Variants in SPAG16 observed in about 807,000 individuals in gnomAD.
The protein encoded by SPAG16 is sperm-associated antigen 16 protein.
SPAG16 carries 86 observed loss-of-function variants against 80.4 expected under a neutral mutation model. The ratio of observed to expected loss-of-function variants is 1.07; its 90% CI spans 0.90 to 1.28. SPAG16 has a LOEUF of 1.28. Ranked by LOEUF, SPAG16 falls within the 50% of genes most tolerant of loss-of-function variation. The probability of loss-of-function intolerance (pLI) is 0.00; values close to 1 mark genes in which losing one functional copy is unlikely to be tolerated. For missense variants in SPAG16, 870 were observed against 765.3 expected, an observed-to-expected ratio of 1.14 and a Z score of -1.61; for synonymous variants, 294 against 265.9, an observed-to-expected ratio of 1.11 and a Z score of -1.03.
intron 15 of SPAG16, among the ~76,000 whole-genome samples, chr2:214,161,202 T>C (rs887136984): frequency 3.9e-5 from 6 of 152,182 alleles, no homozygotes; most frequent in African/African-American, 1.4e-4. Context: ...CAGTCTATTA[T>C]TGATGGGCAA....
chr2:213,893,956 A>G (rs145147129), intron 11 of SPAG16, among the ~76,000 whole-genome samples: 73 of 152,274 alleles, frequency 4.8e-4, no homozygotes, highest in African/African-American at 1.4e-3. Flanking sequence ...GGCATAGAAT[A>G]GCTGAATGAG....
intron 15 of SPAG16, chr2:214,238,287 T>C: frequency 3.7e-6 from 1 of 272,556 alleles, no homozygotes; most frequent in Non-Finnish European, 7.4e-6. Flanking sequence ...TCTGCTTGAG[T>C]TAGCACCCTT....
At chr2:213,908,924 T>TC (rs916979283) in intron 11 of SPAG16, among the ~76,000 whole-genome samples, 17 of 147,120 alleles carry the variant, frequency 1.2e-4, no homozygotes, top group South Asian at 2.2e-4. Flanking sequence ...CCCTCCCTCC[T>TC]CCCCCCCACC....
At chr2:214,302,919 C>G (rs886112815) in intron 15 of SPAG16, among the ~76,000 whole-genome samples, 4 of 152,166 alleles carry the variant, frequency 2.6e-5, no homozygotes. Context: ...TTTAATCTCT[C>G]TTATGTAACA....
intron 10 of SPAG16, among the ~76,000 whole-genome samples, chr2:213,676,706 A>G (rs2064097430): frequency 6.6e-6 from 1 of 151,408 alleles, no homozygotes; most frequent in African/African-American, 2.4e-5. Context: ...CGTATATTGA[A>G]CCAGCCTTGC....
intron 9 of SPAG16, among the ~76,000 whole-genome samples, chr2:213,471,056 C>T (rs114519138): frequency 2.0e-5 from 3 of 152,340 alleles, no homozygotes; most frequent in Admixed American, 2.0e-4. Flanking sequence ...GTTCTGCCTA[C>T]TGGGAAGAAT....
chr2:213,866,477 G>C (rs984906549), intron 11 of SPAG16, among the ~76,000 whole-genome samples: 2 of 152,060 alleles, frequency 1.3e-5, no homozygotes, highest in African/African-American at 4.8e-5. Context: ...GATATTGGAA[G>C]TTACTTTAAA....
At chr2:213,366,229 G>T (rs1420825657) in intron 8 of SPAG16, among the ~76,000 whole-genome samples, 1 of 150,798 alleles carries the variant, frequency 6.6e-6, no homozygotes, top group Non-Finnish European at 1.5e-5. Flanking sequence ...CCAAAGAAGA[G>T]AATGAAAATG....
chr2:213,710,873 C>T (rs78691188), intron 10 of SPAG16, among the ~76,000 whole-genome samples: 10,148 of 152,186 alleles, frequency 0.067, 1,055 homozygotes, highest in African/African-American at 0.22. Flanking sequence ...TGAGTTCTAA[C>T]TCATTTACTA....
At chr2:214,337,374 C>CA (rs977468132) in intron 15 of SPAG16, among the ~76,000 whole-genome samples, 34 of 152,060 alleles carry the variant, frequency 2.2e-4, no homozygotes, top group African/African-American at 8.0e-4. Flanking sequence ...AAATGAGACT[C>CA]AAAAAATTGA....
chr2:214,222,097 T>C (rs6757797), intron 15 of SPAG16, among the ~76,000 whole-genome samples: 2,634 of 150,866 alleles, frequency 0.017, 49 homozygotes, highest in African/African-American at 0.041. Flanking sequence ...GAGAAATTAG[T>C]TTCCTTGCTA....
At chr2:213,876,588 T>C (rs1045430985) in intron 11 of SPAG16, among the ~76,000 whole-genome samples, 9 of 152,178 alleles carry the variant, frequency 5.9e-5, no homozygotes, top group Admixed American at 2.0e-4. Context: ...TCAAAAGCAT[T>C]ATAAGTATTC....
chr2:214,163,395 G>A (rs1334394248), intron 15 of SPAG16, among the ~76,000 whole-genome samples: 1 of 151,236 alleles, frequency 6.6e-6, no homozygotes, highest in Admixed American at 6.6e-5. Context: ...TTATATTTTT[G>A]AGATGGTTAA....
chr2:213,516,371 G>A (rs1476231060), intron 10 of SPAG16, among the ~76,000 whole-genome samples: 1 of 150,718 alleles, frequency 6.6e-6, no homozygotes, highest in African/African-American at 2.5e-5. Context: ...ACAAAATGAA[G>A]CCCAAGTTCT....
rs564403959 is a variant in SPAG16 at position 214,101,185 on chromosome 2, T to C, written c.1528-7011T>C. On this transcript the variant is annotated intron_variant, in intron 13 of 15. Coordinates refer to ENST00000331683, the MANE Select transcript of SPAG16 (RefSeq NM_024532.5). ...AATTTTCACATGACACTATTGACACTAAAAAGACTTTTACTATTTTGAGGG... is the reference window on the plus strand; with the variant it reads ...AATTTTCACATGACACTATTGACACCAAAAAGACTTTTACTATTTTGAGGG... Among the ~76,000 whole-genome samples the C allele has an allele frequency of 2.0e-5, 3 of 152,238 alleles. No individual in the cohort carries two copies. In the East Asian group the frequency reaches 5.8e-4, roughly 29 times the overall value.
At chr2:214,260,973 G>C (rs761310914) in intron 15 of SPAG16, among the ~76,000 whole-genome samples, 14 of 151,708 alleles carry the variant, frequency 9.2e-5, no homozygotes, top group Non-Finnish European at 1.9e-4. Context: ...CGGGCGTGGT[G>C]GTGGGCACCT....
In SPAG16 at chr2:213,720,196, A is replaced by T. The variant is rs1222147097; in HGVS notation, c.1071-142289A>T. On this transcript the variant is annotated intron_variant, in intron 10 of 15. Coordinates refer to ENST00000331683, the MANE Select transcript of SPAG16 (RefSeq NM_024532.5). ...CACCAGGGCCTTTCGGGGGCTGGGG[A>T]TCTAGGGGAGCAATAAGATTAGGAG... Among the ~76,000 whole-genome samples the T allele has an allele frequency of 2.0e-5, 3 of 152,026 alleles. No homozygotes were observed. The East Asian group carries it at 5.8e-4, about 29-fold the overall frequency.
At chr2:214,177,580 C>G (rs6761285) in intron 15 of SPAG16, among the ~76,000 whole-genome samples, 3 of 150,154 alleles carry the variant, frequency 2.0e-5, no homozygotes, top group Non-Finnish European at 4.5e-5. Context: ...ATTTTTTAGG[C>G]GAAATAAATT....
intron 13 of SPAG16, among the ~76,000 whole-genome samples, chr2:214,095,341 T>C (rs2052518535): frequency 6.6e-6 from 1 of 151,942 alleles, no homozygotes. Context: ...GTTCAACTAC[T>C]AACCCTTTCA....
Sources: allele counts gnomAD v4.1 joint callset (sites outside exome capture counted in the v4.1 genomes callset), GRCh38; gene constraint gnomAD v4.1.1; transcripts MANE v1.5; gene names NCBI Gene and HGNC (gene_info 2026-07-23, HGNC 2026-07-21).